The following ZNF778 variants were observed in gnomAD, a reference collection of about 807,000 sequenced individuals.
ZNF778 encodes the protein zinc finger protein 778.
A neutral mutation model predicts 23.9 loss-of-function variants in ZNF778; 37 were observed. The observed-to-expected ratio is 1.54, with a 90% CI of 1.19 to 2.03. The LOEUF is 2.03. Among genes scored for constraint, ZNF778 ranks in the 30% most tolerant of loss-of-function variants. The pLI, the probability that ZNF778 is intolerant of heterozygous loss-of-function variation, is 0.00. For missense variants in ZNF778, 1,297 were observed against 934.4 expected (o/e 1.39, Z -5.06); for synonymous variants, 483 against 343.9 (o/e 1.40, Z -4.48).
At position 89,229,005 on chromosome 16, in the gene ZNF778, C is replaced by T. The variant is rs2031751639; in HGVS notation, c.*443C>T. 3 of 994,070 alleles carry T rather than the reference C, an allele frequency of 3.0e-6. No homozygotes were observed. Among genetic ancestry groups the T allele is most frequent in the Non-Finnish European group, 3.6e-6 (3 of 835,546 alleles). 61.6% of individuals were successfully genotyped at this position (994,070 alleles called of 1,614,324 possible). On this transcript the variant is annotated 3_prime_UTR_variant, in exon 7 of 7. Coordinates refer to ENST00000433976, the MANE Select transcript of ZNF778 (RefSeq NM_001201407.2). ...AAGATAGCAGTCGCTTCCCTGTGTT[C>T]TAAAACCTTGTGGGCTAACTTGAGA...
chr16:89,218,873 C>G (rs1260754965), intron 1 of ZNF778, among the ~76,000 whole-genome samples: 1 of 152,076 alleles, frequency 6.6e-6, no homozygotes, highest in Non-Finnish European at 1.5e-5. Flanking sequence ...TTTGGGAGGC[C>G]GAGGCGGGTG....
At position 89,230,071 on chromosome 16, in the gene ZNF778, G is replaced by A; in HGVS notation, c.*1509G>A. 2.1e-6 allele frequency: 2 copies of A among 968,764 alleles called. No individual in the cohort carries two copies. Among genetic ancestry groups the A allele is most frequent in the South Asian group, 9.6e-5 (2 of 20,886 alleles). 60.0% of individuals were successfully genotyped at this position (968,764 alleles called of 1,614,324 possible). Reference sequence around the variant, plus strand: ...TGTATGAGCAGCGTAGGCTCTGGTTGGTTAGTCATGCTCTTAGGCATGACC... The same window carrying A: ...TGTATGAGCAGCGTAGGCTCTGGTTAGTTAGTCATGCTCTTAGGCATGACC... On this transcript the variant is annotated 3_prime_UTR_variant, in exon 7 of 7. Transcript: ENST00000433976.
At position 89,229,437 on chromosome 16, in the gene ZNF778, A is replaced by T. The variant is rs1195503996; in HGVS notation, c.*875A>T. 1 of 973,350 alleles carries T rather than the reference A, an allele frequency of 1.0e-6. No individual in the cohort carries two copies. The highest frequency in any genetic ancestry group is 1.2e-6 in the Non-Finnish European group (1 of 826,002). The allele number at this position is 973,350 out of a possible 1,614,324, so 60.3% of individuals were successfully genotyped here. The stretch of plus-strand genomic sequence containing the variant: ...TGAGCAGTGTAGGCTCTGGTTGGTT[A>T]GTCTTGAGGATGCAGATGTGATTCT... On this transcript the variant is annotated 3_prime_UTR_variant, in exon 7 of 7. Transcript: ENST00000433976.
rs1409363737 is a variant in ZNF778 at position 89,235,025 on chromosome 16, A to C, written c.*6463A>C. ...CCTAAGGCCTTAAATATGCTGTACT[A>C]TTTTGGCTTCCACAGTTTCTATGTT... On this transcript the variant is annotated 3_prime_UTR_variant, in exon 7 of 7. Transcript: ENST00000433976. 2 of 152,138 alleles carry C rather than the reference A, an allele frequency of 1.3e-5. No individual in the cohort carries two copies. Among genetic ancestry groups the C allele is most frequent in the African/African-American group, 4.8e-5 (2 of 41,408 alleles). The allele number at this position is 152,138 out of a possible 1,614,324, so 9.4% of individuals were successfully genotyped here. A position where few individuals can be genotyped will look rare whatever the true frequency, so the allele number is the denominator to read the frequency against.
rs552749815 is a variant in ZNF778, at chr16:89,230,387, C to G, written c.*1825C>G. The G allele has an allele frequency of 2.0e-5, 3 of 152,514 alleles. No homozygotes were observed. The highest frequency in any genetic ancestry group is 4.8e-5 in the African/African-American group (2 of 41,576). 9.4% of individuals were successfully genotyped at this position (152,514 alleles called of 1,614,324 possible). ...GTTGACCTCCAGATCCTCTTCACAG[C>G]ATGCAGAGCGGTCCTGGCAGCTGCT... On this transcript the variant is annotated 3_prime_UTR_variant, in exon 7 of 7. Coordinates refer to ENST00000433976, the MANE Select transcript of ZNF778 (RefSeq NM_001201407.2).
rs1567506451 is a variant in ZNF778 at position 89,227,683 on chromosome 16, T to G, written c.1395T>G (p.Thr465=). The G allele has an allele frequency of 6.2e-7, 1 of 1,614,186 alleles. No homozygotes were observed. The highest frequency in any genetic ancestry group is 8.5e-7 in the Non-Finnish European group (1 of 1,180,012). ...GKAFCTSSGL[T]EHVRTHTGEK... ...CCTTCTGTACATCCTCGGGCCTTAC[T>G]GAGCATGTAAGGACTCACACTGGAG... Residue 465 remains threonine, a synonymous_variant, in exon 7 of 7, where the codon ACT becomes ACG. Coordinates refer to ENST00000433976, the MANE Select transcript of ZNF778 (RefSeq NM_001201407.2).
chr16:89,224,540 A>T, intron 4 of ZNF778, 179 bp from the exon 5 acceptor site: 1 of 511,196 alleles, frequency 2.0e-6, no homozygotes, highest in Non-Finnish European at 3.6e-6. Context: ...AATCACTTGA[A>T]CCCAGGAGGC....
Position 89,235,089 on chromosome 16 carries a change from G to A in ZNF778, c.*6527G>A, listed in dbSNP as rs1438413548. ...CTTAATCCATTTGGAGTTGATTTTTGTTGACCGTATCTGTAGAGTGTAATG... is the reference window on the plus strand; with the variant it reads ...CTTAATCCATTTGGAGTTGATTTTTATTGACCGTATCTGTAGAGTGTAATG... On this transcript the variant is annotated 3_prime_UTR_variant, in exon 7 of 7. Transcript: ENST00000433976. 3 of 151,832 alleles carry A rather than the reference G, an allele frequency of 2.0e-5. No homozygotes were observed. The highest frequency in any genetic ancestry group is 2.9e-5 in the Non-Finnish European group (2 of 67,986). The allele number at this position is 151,832 out of a possible 1,614,324, so 9.4% of individuals were successfully genotyped here. A position where few individuals can be genotyped will look rare whatever the true frequency, so the allele number is the denominator to read the frequency against.
intron 2 of ZNF778, among the ~76,000 whole-genome samples, chr16:89,221,447 G>C (rs769937387): frequency 2.0e-5 from 3 of 152,150 alleles, no homozygotes; most frequent in Non-Finnish European, 1.5e-5. Context: ...CCTGATGGGC[G>C]GCATAGCTCA....
chr16:89,228,705 C>G lies in ZNF778; in HGVS notation c.*143C>G. The G allele has an allele frequency of 2.7e-6, 4 of 1,455,082 alleles. No individual in the cohort carries two copies. The South Asian group carries it at 6.0e-5, about 22-fold the overall frequency. 90.1% of individuals were successfully genotyped at this position (1,455,082 alleles called of 1,614,324 possible). On this transcript the variant is annotated 3_prime_UTR_variant, in exon 7 of 7. Coordinates refer to ENST00000433976, the MANE Select transcript of ZNF778 (RefSeq NM_001201407.2). ...ACAACCCGGCAGGCAGGAACTCACC[C>G]TGGAGCCCTATGCAGCAGACACAGA...
chr16:89,227,735 G>C lies in ZNF778; in HGVS notation c.1447G>C (p.Gly483Arg). 6.2e-7 allele frequency: 1 copy of C among 1,614,108 alleles called. No individual in the cohort carries two copies. Among genetic ancestry groups the C allele is most frequent in the South Asian group, 1.1e-5 (1 of 91,078 alleles). Residue 483 changes from glycine to arginine, a missense_variant, in exon 7 of 7, where the codon GGG (glycine) becomes CGG (arginine). By Grantham distance (125) the Gly-to-Arg change is moderately radical (BLOSUM62 -2). Transcript: ENST00000433976. ...GEKPYECKDC[G>R]KSFTVSSSLT... ...GAAACCATATGAATGTAAAGATTGT[G>C]GGAAATCCTTCACTGTTTCTTCAAG...
At chr16:89,226,056 C>T (rs2031448485) in intron 6 of ZNF778, among the ~76,000 whole-genome samples, 1 of 152,122 alleles carries the variant, frequency 6.6e-6, no homozygotes, top group Non-Finnish European at 1.5e-5. Context: ...GAACTAGAGG[C>T]ATGTGCCACC....
rs573473858 is a variant in ZNF778, at chr16:89,233,808, G to C, written c.*5246G>C. 21 of 1,291,164 alleles carry C rather than the reference G, an allele frequency of 1.6e-5. No homozygotes were observed. The highest frequency in any genetic ancestry group is 9.2e-5 in the Admixed American group (4 of 43,634). 80.0% of individuals were successfully genotyped at this position (1,291,164 alleles called of 1,614,324 possible). On this transcript the variant is annotated 3_prime_UTR_variant, in exon 7 of 7. Transcript: ENST00000433976. The stretch of plus-strand genomic sequence containing the variant: ...GCGTATGCAACTCAGCTCGCACTGC[G>C]TATGCAACTCAACTGTTGCAAGTAC...
At chr16:89,222,865 CAT>C (rs984796659) in intron 3 of ZNF778, among the ~76,000 whole-genome samples, 11 of 151,986 alleles carry the variant, frequency 7.2e-5, no homozygotes, top group African/African-American at 1.9e-4. Context: ...GAGAAGCTCA[CAT>C]GTTAGAGGTG....
intron 3 of ZNF778, among the ~76,000 whole-genome samples, chr16:89,222,880 G>A (rs796499748): frequency 6.7e-6 from 1 of 148,156 alleles, no homozygotes; most frequent in Non-Finnish European, 1.5e-5. Flanking sequence ...TAGAGGTGTC[G>A]TTGCGGCCGT....
At chr16:89,223,457 A>G (rs1346981614) in intron 4 of ZNF778, among the ~76,000 whole-genome samples, 174 bp downstream of exon 4, 1 of 152,214 alleles carries the variant, frequency 6.6e-6, no homozygotes, top group Non-Finnish European at 1.5e-5. Context: ...TCCTGGGGTC[A>G]TGAGCATCAC....
chr16:89,225,890 G>A (rs975721005), intron 6 of ZNF778, among the ~76,000 whole-genome samples: 3 of 149,928 alleles, frequency 2.0e-5, no homozygotes, highest in Non-Finnish European at 4.4e-5. Context: ...CAGACTTTTC[G>A]AAGTTAGAGC....
rs1255456606 is a variant in ZNF778 at position 89,232,771 on chromosome 16, A to G, written c.*4209A>G. 3 of 1,288,460 alleles carry G rather than the reference A, an allele frequency of 2.3e-6. No individual in the cohort carries two copies. The highest frequency in any genetic ancestry group is 3.0e-6 in the Non-Finnish European group (3 of 988,306). 79.8% of individuals were successfully genotyped at this position (1,288,460 alleles called of 1,614,324 possible). On this transcript the variant is annotated 3_prime_UTR_variant, in exon 7 of 7. Coordinates refer to ENST00000433976, the MANE Select transcript of ZNF778 (RefSeq NM_001201407.2). Reference sequence around the variant, plus strand: ...GCTGGAAACATGCACTGCATATACAAATCAACTCACTGCATATGCACATCA... The same window carrying G: ...GCTGGAAACATGCACTGCATATACAGATCAACTCACTGCATATGCACATCA...
chr16:89,232,976 AGCTC>A lies in ZNF778; in HGVS notation c.*4419_*4422del, dbSNP rs1184577031. On this transcript the variant is annotated 3_prime_UTR_variant, in exon 7 of 7. Coordinates refer to ENST00000433976, the MANE Select transcript of ZNF778 (RefSeq NM_001201407.2). ...TCAGCTCGCTCTGCGTATGCAACTGAGCTCGCTCTGCGTATGCAACCCAGCTCGC... is the reference window on the plus strand; with the variant it reads ...TCAGCTCGCTCTGCGTATGCAACTGAGCTCTGCGTATGCAACCCAGCTCGC... The A allele has an allele frequency of 7.9e-7, 1 of 1,261,568 alleles. No homozygotes were observed. Among genetic ancestry groups the A allele is most frequent in the African/African-American group, 1.6e-5 (1 of 63,524 alleles). 78.1% of individuals were successfully genotyped at this position (1,261,568 alleles called of 1,614,324 possible).
Sources: allele counts gnomAD v4.1 joint callset (sites outside exome capture counted in the v4.1 genomes callset), GRCh38; gene constraint gnomAD v4.1.1; transcripts MANE v1.5; gene names NCBI Gene and HGNC (gene_info 2026-07-23, HGNC 2026-07-21).